Variants in SUZ12 observed in about 807,000 individuals in gnomAD.
The protein encoded by SUZ12 is polycomb protein SUZ12.
SUZ12 carries 17 observed loss-of-function variants against 87.3 expected under a neutral mutation model. That is an observed-to-expected ratio of 0.19 (90% CI 0.13 to 0.29). The LOEUF (loss-of-function observed/expected upper bound fraction) is 0.29, where lower values mean the gene tolerates loss of function less well. Ranked by LOEUF, SUZ12 falls within the 10% of genes least tolerant of loss-of-function variation. SUZ12 has a pLI of 1.00. For synonymous variants in SUZ12, 253 were observed against 312.4 expected (o/e 0.81, Z 2.01); for missense variants, 526 against 912.2 (o/e 0.58, Z 5.45).
chr17:31,989,233 T>C lies in SUZ12; in HGVS notation c.1201+736T>C. 1.3e-5 allele frequency among the ~76,000 whole-genome samples: 2 copies of C among 152,188 alleles called. 1 individual carries two copies. The highest frequency in any genetic ancestry group is 2.9e-5 in the Non-Finnish European group (2 of 68,010). ...CCACCTCTGCTGGCCTCTATGTGAT[T>C]AGCCTTTCAGAATATTATCTGGCTT... On this transcript the variant is annotated intron_variant, in intron 10 of 15. Transcript: ENST00000322652.
At chr17:31,955,374 T>G (rs1183263618) in intron 4 of SUZ12, among the ~76,000 whole-genome samples, 1 of 152,138 alleles carries the variant, frequency 6.6e-6, no homozygotes, top group Non-Finnish European at 1.5e-5. Flanking sequence ...CTTGACCTCC[T>G]GGCCTCAAAT....
At chr17:31,944,364 G>A (rs567587732) in intron 3 of SUZ12, among the ~76,000 whole-genome samples, 2 of 152,098 alleles carry the variant, frequency 1.3e-5, no homozygotes, top group African/African-American at 4.8e-5. Flanking sequence ...CCGACCTCAG[G>A]TGATCTGCCC....
intron 8 of SUZ12, among the ~76,000 whole-genome samples, chr17:31,978,849 T>C (rs1302152420): frequency 6.6e-6 from 1 of 152,144 alleles, no homozygotes; most frequent in African/African-American, 2.4e-5. Context: ...GGCTCACGCC[T>C]GTAATCCCAG....
At chr17:31,989,680 G>A (rs1254616390) in intron 10 of SUZ12, among the ~76,000 whole-genome samples, 2 of 151,600 alleles carry the variant, frequency 1.3e-5, no homozygotes, top group African/African-American at 2.4e-5. Flanking sequence ...CTCACTGCAC[G>A]CTCTGCCTCC....
In SUZ12 at chr17:31,975,686, A is replaced by G. The variant is rs777838818; in HGVS notation, c.796A>G (p.Ile266Val). Residue 266 changes from isoleucine (I) to valine (V), a missense_variant, in exon 7 of 16, where the codon ATT (isoleucine) becomes GTT (valine). By Grantham distance (29) the Ile-to-Val change is conservative (BLOSUM62 3). Around this residue, in one of 9 missense-constraint regions of SUZ12, gnomAD observed 73 missense variants for 133.8 expected, o/e 0.55. Coordinates refer to ENST00000322652, the MANE Select transcript of SUZ12 (RefSeq NM_015355.4). Reference protein sequence around the residue: ...RPGRREFNGMINGETNENIDV... With the variant: ...RPGRREFNGMVNGETNENIDV... ...AGGAAGAAGAGAGTTTAATGGAATG[A>G]TTAATGGAGAAACCAATGAAAATAT... 6.2e-7 allele frequency: 1 copy of G among 1,610,856 alleles called. No homozygotes were observed. The highest frequency in any genetic ancestry group is 8.5e-7 in the Non-Finnish European group (1 of 1,179,042).
chr17:31,986,980 GTA>G (rs1400349943), intron 9 of SUZ12, among the ~76,000 whole-genome samples: 1 of 152,120 alleles, frequency 6.6e-6, no homozygotes, highest in Non-Finnish European at 1.5e-5. Flanking sequence ...GAATAGGAAA[GTA>G]AAAATCAGAA....
chr17:31,947,058 T>A (rs1906680708), intron 3 of SUZ12, among the ~76,000 whole-genome samples: 1 of 152,184 alleles, frequency 6.6e-6, no homozygotes, highest in Non-Finnish European at 1.5e-5. Context: ...TATAGAATAT[T>A]TCTTTTTTTA....
intron 4 of SUZ12, among the ~76,000 whole-genome samples, chr17:31,955,288 AG>A (rs1295759379): frequency 9.2e-5 from 14 of 152,200 alleles, no homozygotes; most frequent in Middle Eastern, 3.4e-3. Flanking sequence ...TATTAAAAAA[AG>A]GTTTTTTTAG....
intron 4 of SUZ12, among the ~76,000 whole-genome samples, chr17:31,957,893 T>C (rs1907453852): frequency 7.3e-6 from 1 of 137,578 alleles, no homozygotes; most frequent in Non-Finnish European, 1.6e-5. Flanking sequence ...TCACCTTTTG[T>C]CCTTTTTTTT....
At chr17:31,948,654 TAA>T (rs1270100603) in intron 4 of SUZ12, among the ~76,000 whole-genome samples, 2 of 152,192 alleles carry the variant, frequency 1.3e-5, no homozygotes, top group Non-Finnish European at 2.9e-5. Context: ...GCTTTGGAAT[TAA>T]GTGATTTTTT....
At chr17:31,991,338 C>A (rs1281433573) in intron 10 of SUZ12, among the ~76,000 whole-genome samples, 2 of 144,814 alleles carry the variant, frequency 1.4e-5, no homozygotes, top group Admixed American at 6.6e-5. Flanking sequence ...CATAGTGACA[C>A]CCTGTCGCTT....
At chr17:31,937,669 C>T (rs1397481126) in intron 1 of SUZ12, 149 bp downstream of exon 1, 204 of 1,190,152 alleles carry the variant, frequency 1.7e-4, no homozygotes, top group Non-Finnish European at 2.1e-4. Flanking sequence ...TCGGAGATTA[C>T]GTCTCCAGGG....
intron 4 of SUZ12, among the ~76,000 whole-genome samples, chr17:31,962,842 G>C (rs508566): frequency 0.1 from 15,695 of 151,810 alleles, 826 homozygotes; most frequent in Middle Eastern, 0.15. Flanking sequence ...ATAAAAAGTA[G>C]ATTCTTATGA....
chr17:31,944,334 G>A (rs571508713), intron 3 of SUZ12, among the ~76,000 whole-genome samples: 1 of 152,038 alleles, frequency 6.6e-6, no homozygotes, highest in South Asian at 2.1e-4. Flanking sequence ...CTCCATGTTG[G>A]TCAGGCTGGT....
chr17:31,994,102 T>A, intron 12 of SUZ12, 94 bp downstream of exon 12: 1 of 1,257,244 alleles, frequency 8.0e-7, no homozygotes, highest in Non-Finnish European at 1.1e-6. Flanking sequence ...ATTTTTTAAA[T>A]TAAAAAAGGG....
chr17:31,996,378 G>A (rs186013202), intron 14 of SUZ12, among the ~76,000 whole-genome samples: 257 of 152,272 alleles, frequency 1.7e-3, no homozygotes, highest in African/African-American at 5.6e-3. Context: ...ACTTTGGTAG[G>A]GCGAGTTGGG....
At chr17:31,984,541 TAA>T (rs1030622885) in intron 9 of SUZ12, among the ~76,000 whole-genome samples, 7 of 152,204 alleles carry the variant, frequency 4.6e-5, no homozygotes. Flanking sequence ...GCAAAATATC[TAA>T]AGTTACAAAC....
chr17:31,947,778 G>A (rs1393569424), intron 4 of SUZ12, 93 bp downstream of exon 4: 14 of 1,294,462 alleles, frequency 1.1e-5, no homozygotes, highest in Non-Finnish European at 1.5e-5. Context: ...CTTGATATAA[G>A]GAGTTAGAAG....
chr17:31,985,562 A>C (rs1333079613), intron 9 of SUZ12, among the ~76,000 whole-genome samples: 3 of 151,482 alleles, frequency 2.0e-5, no homozygotes, highest in African/African-American at 4.8e-5. Context: ...GATCTTTTTC[A>C]TTTTAAATTT....
Sources: allele counts gnomAD v4.1 joint callset (sites outside exome capture counted in the v4.1 genomes callset), GRCh38; gene constraint gnomAD v4.1.1; regional missense constraint gnomAD v4.1.1; transcripts MANE v1.5; gene names NCBI Gene and HGNC (gene_info 2026-07-23, HGNC 2026-07-21).